SCN1A: variants seen among roughly 807,000 people sequenced by gnomAD.
SCN1A encodes the protein sodium channel protein type 1 subunit alpha.
A neutral mutation model predicts 193.7 loss-of-function variants in SCN1A; 13 were observed. That is an observed-to-expected ratio of 0.07 (90% CI 0.04 to 0.11). The LOEUF (loss-of-function observed/expected upper bound fraction) is 0.11. SCN1A is among the 10% of genes least tolerant of loss of function. The probability of loss-of-function intolerance (pLI) is 1.00; values close to 1 mark genes in which losing one functional copy is unlikely to be tolerated. For missense variants in SCN1A, 1,432 were observed against 2,451.1 expected (o/e 0.58, Z 8.78); for synonymous variants, 781 against 843.6 (o/e 0.93, Z 1.29).
chr2:166,109,337 A>G (rs1363220285), intron 2 of SCN1A, among the ~76,000 whole-genome samples: 1 of 152,190 alleles, frequency 6.6e-6, no homozygotes, highest in African/African-American at 2.4e-5. Flanking sequence ...CAGTAATTTG[A>G]AGCTTAAACA....
chr2:166,043,214 G>C (rs1697372810), intron 14 of SCN1A, among the ~76,000 whole-genome samples: 1 of 152,110 alleles, frequency 6.6e-6, no homozygotes, highest in Non-Finnish European at 1.5e-5. Flanking sequence ...ATGAGTACTA[G>C]GAGTATTAAG....
intron 19 of SCN1A, among the ~76,000 whole-genome samples, chr2:166,035,787 C>T (rs1053472867): frequency 2.0e-5 from 3 of 152,142 alleles, no homozygotes; most frequent in Admixed American, 2.0e-4. Context: ...CTTGTAATCA[C>T]GTGGTTGACT....
chr2:166,098,594 A>G (rs1462069831), intron 2 of SCN1A, among the ~76,000 whole-genome samples: 1 of 152,180 alleles, frequency 6.6e-6, no homozygotes, highest in Non-Finnish European at 1.5e-5. Context: ...ATGATTTTAT[A>G]CCTAGAAAAC....
intron 1 of SCN1A, among the ~76,000 whole-genome samples, chr2:166,135,349 C>T (rs750869893): frequency 5.3e-5 from 8 of 151,922 alleles, no homozygotes; most frequent in Non-Finnish European, 8.8e-5. Context: ...TAAAACTGAA[C>T]TTTGCCATAA....
rs916559622 is a variant in SCN1A, at chr2:166,011,418, G to A, written c.3879+691C>T. Among the ~76,000 whole-genome samples the A allele has an allele frequency of 2.6e-5, 4 of 151,020 alleles. No individual in the cohort carries two copies. The South Asian group carries it at 6.2e-4, about 23-fold the overall frequency. The stretch of plus-strand genomic sequence containing the variant: ...CAGTCACTTGTTTTCAGTAAATGCA[G>A]TATTAATCATTGGGGATACAAATTC... On this transcript the variant is annotated intron_variant, in intron 22 of 28. Transcript: ENST00000674923.
Position 166,047,706 on chromosome 2 carries a change from C to G in SCN1A, c.1091G>C (p.Ser364Thr), listed in dbSNP as rs752775574. The change falls in exon 11 of 29, where the codon AGC becomes ACC. Residue 364 changes from serine to threonine, a missense_variant. By Grantham distance (58) the Ser-to-Thr change is moderately conservative. Coordinates refer to ENST00000674923, the MANE Select transcript of SCN1A (RefSeq NM_001165963.4). Reference sequence around the variant, plus strand: ...AAAAGCCCAACTGAAGGTATCAAAGCTTGTGTAGCCATAATTGGGATTTCT... The same window carrying G: ...AAAAGCCCAACTGAAGGTATCAAAGGTTGTGTAGCCATAATTGGGATTTCT... ...AGRNPNYGYT[S>T]FDTFSWAFLS... 2 of 1,613,632 alleles carry G rather than the reference C, an allele frequency of 1.2e-6. No homozygotes were observed.
chr2:166,079,877 C>G (rs1284730109), intron 2 of SCN1A, among the ~76,000 whole-genome samples: 1 of 151,192 alleles, frequency 6.6e-6, no homozygotes, highest in Admixed American at 6.6e-5. Context: ...CATACTGATA[C>G]TAGAAAAAGT....
chr2:166,002,857 A>G (rs1691124604), intron 23 of SCN1A, 104 bp from the exon 24 acceptor site: 1 of 937,314 alleles, frequency 1.1e-6, no homozygotes, highest in Non-Finnish European at 1.6e-6. Flanking sequence ...TTTTTCTATC[A>G]ATGCTATTTA....
At position 166,127,765 on chromosome 2, in the gene SCN1A, G is replaced by C. The variant is rs1052568605; in HGVS notation, c.-229+6C>G. 6.6e-6 allele frequency: 1 copy of C among 152,058 alleles called. No homozygotes were observed. Among genetic ancestry groups the C allele is most frequent in the South Asian group, 2.1e-4 (1 of 4,824 alleles). 9.4% of individuals were successfully genotyped at this position (152,058 alleles called of 1,614,324 possible). A position where few individuals can be genotyped will look rare whatever the true frequency, so the allele number is the denominator to read the frequency against. The stretch of plus-strand genomic sequence containing the variant: ...AAAATCAAGATGAAACAATTAGATG[G>C]CTTACCTGATTAAAAGGAAAATTAT... On this transcript the variant is annotated splice_donor_region_variant and intron_variant, in intron 1 of 28. Coordinates refer to ENST00000674923, the MANE Select transcript of SCN1A (RefSeq NM_001165963.4).
chr2:166,043,488 T>A (rs1426212757), intron 14 of SCN1A, among the ~76,000 whole-genome samples, 181 bp downstream of exon 14: 1 of 152,216 alleles, frequency 6.6e-6, no homozygotes, highest in Non-Finnish European at 1.5e-5. Flanking sequence ...TTCAGGTTTG[T>A]GCAGGAGACT....
intron 26 of SCN1A, 40 bp from the exon 27 acceptor site, chr2:165,996,157 T>A: frequency 8.0e-7 from 1 of 1,256,648 alleles, no homozygotes; most frequent in South Asian, 1.3e-5. Flanking sequence ...AACTGTGTCC[T>A]TTTGTACATT....
chr2:166,120,529 GATTT>G (rs1690433749), intron 2 of SCN1A, among the ~76,000 whole-genome samples: 1 of 146,936 alleles, frequency 6.8e-6, no homozygotes, highest in African/African-American at 2.5e-5. Context: ...CCTAGACTAT[GATTT>G]ATTTAGCCAT....
intron 13 of SCN1A, among the ~76,000 whole-genome samples, chr2:166,044,291 A>AAC (rs371861954): frequency 5.6e-4 from 85 of 151,134 alleles, no homozygotes; most frequent in South Asian, 2.9e-3. Flanking sequence ...AACATATTGA[A>AAC]ACACACACAC....
intron 2 of SCN1A, among the ~76,000 whole-genome samples, chr2:166,087,862 A>G (rs571087840): frequency 2.0e-5 from 3 of 152,176 alleles, no homozygotes; most frequent in Non-Finnish European, 2.9e-5. Flanking sequence ...AAAGTAACCA[A>G]ATTGATTTTA....
At chr2:166,148,721 G>A (rs1692419649) in intron 1 of SCN1A, among the ~76,000 whole-genome samples, 1 of 152,160 alleles carries the variant, frequency 6.6e-6, no homozygotes. Flanking sequence ...AAGAACTGCA[G>A]TAAATCTCTT....
At chr2:166,106,599 G>T (rs1332510882) in intron 2 of SCN1A, among the ~76,000 whole-genome samples, 1 of 152,164 alleles carries the variant, frequency 6.6e-6, no homozygotes, top group Non-Finnish European at 1.5e-5. Flanking sequence ...TGTTGGCAGT[G>T]TGCGGTGTCA....
rs564097588 is a variant in SCN1A at position 166,116,181 on chromosome 2, C to G, written c.-142+10743G>C. ...CAGTCTTAAAAAGTAGAGATGTGGC[C>G]CACATGTTTGAAAGGTCACTGGTGG... On this transcript the variant is annotated intron_variant, in intron 2 of 28. Transcript: ENST00000674923. Among the ~76,000 whole-genome samples the G allele has an allele frequency of 2.0e-5, 3 of 152,160 alleles. No individual in the cohort carries two copies. In the South Asian group the frequency reaches 6.2e-4, roughly 32 times the overall value.
chr2:166,013,910 G>A lies in SCN1A; in HGVS notation c.3551-12C>T, dbSNP rs1692905818. The A allele has an allele frequency of 6.2e-7, 1 of 1,610,070 alleles. No individual in the cohort carries two copies. The highest frequency in any genetic ancestry group is 2.2e-5 in the East Asian group (1 of 44,820). On this transcript the variant is annotated splice_polypyrimidine_tract_variant and intron_variant, in intron 20 of 28. Transcript: ENST00000674923. ...TCTTTGTACACAGCCTGCAGAAAGT[G>A]TTGAAATAAAAGTAGATAAAGTGTC... is the stretch of plus-strand genomic sequence containing the variant.
intron 2 of SCN1A, among the ~76,000 whole-genome samples, chr2:166,089,330 CTA>C (rs1434121923): frequency 6.6e-6 from 1 of 152,024 alleles, no homozygotes; most frequent in Non-Finnish European, 1.5e-5. Flanking sequence ...TGTAGCAGCC[CTA>C]TATATGAAGA....
Sources: allele counts gnomAD v4.1 joint callset (sites outside exome capture counted in the v4.1 genomes callset), GRCh38; gene constraint gnomAD v4.1.1; transcripts MANE v1.5; gene names NCBI Gene and HGNC (gene_info 2026-07-23, HGNC 2026-07-21).